CLEC20A: variants seen among roughly 807,000 people sequenced by gnomAD.
CLEC20A encodes the protein C-type lectin domain containing 20A, also known as putative C-type lectin domain family 20 member A.
At chr1:178,484,090 T>C (rs1469130961) in intron 5 of CLEC20A, 2 of 152,214 alleles carry the variant, frequency 1.3e-5, no homozygotes, top group African/African-American at 4.8e-5. Context: ...CGATCTGCTT[T>C]CAGTGGACAT....
upstream of CLEC20A, chr1:178,497,185 G>A (rs900726675): frequency 2.1e-5 from 8 of 388,100 alleles, no homozygotes; most frequent in East Asian, 3.7e-5. Context: ...AGAGATCCCT[G>A]TGTGGGGGTT....
In CLEC20A at chr1:178,482,410, G is replaced by A. The variant is rs1558027167; in HGVS notation, c.1037-13C>T. The A allele has an allele frequency of 7.5e-6, 3 of 398,466 alleles. No homozygotes were observed. The highest frequency in any genetic ancestry group is 1.3e-5 in the Non-Finnish European group (3 of 226,058). The allele number at this position is 398,466 out of a possible 1,614,324, so 24.7% of individuals were successfully genotyped here. A position where few individuals can be genotyped will look rare whatever the true frequency, so the allele number is the denominator to read the frequency against. ...CCAAAAGGGTGCCCTGAAAAAGAAA[G>A]TGCTACCTGTTCAGGGGGATATTAT... is the stretch of plus-strand genomic sequence containing the variant. On this transcript the variant is annotated splice_polypyrimidine_tract_variant and intron_variant, in intron 6 of 7. Coordinates refer to ENST00000623247, the Ensembl canonical transcript of CLEC20A.
intron 7 of CLEC20A, chr1:178,480,036 G>T (rs1648922974): frequency 6.7e-6 from 1 of 150,154 alleles, no homozygotes; most frequent in East Asian, 1.9e-4. Context: ...ACCTTGCCAG[G>T]GGATTCCGAA....
rs1283864572 is a variant in CLEC20A, at chr1:178,491,695, C to T, written c.463+806G>A. Among the ~76,000 whole-genome samples the T allele has an allele frequency of 4.6e-5, 7 of 152,322 alleles. No individual in the cohort carries two copies. The East Asian group carries it at 1.3e-3, about 29-fold the overall frequency. On this transcript the variant is annotated intron_variant, in intron 3 of 7. Coordinates refer to ENST00000623247, the Ensembl canonical transcript of CLEC20A. ...TCTGTACTCCATACCATGCAGAAAACCCACTCTACAGAGCAGATTGAGTGA... is the reference window on the plus strand; with the variant it reads ...TCTGTACTCCATACCATGCAGAAAATCCACTCTACAGAGCAGATTGAGTGA...
At chr1:178,482,267 G>A (rs902185939) in intron 7 of CLEC20A, 45 bp downstream of exon 7, 1 of 398,474 alleles carries the variant, frequency 2.5e-6, no homozygotes, top group Non-Finnish European at 4.4e-6. Context: ...GTCTTGCAAT[G>A]TCCAATCATC....
chr1:178,487,251 G>A (rs1649171547), intron 5 of CLEC20A, among the ~76,000 whole-genome samples: 2 of 152,214 alleles, frequency 1.3e-5, no homozygotes, highest in Admixed American at 6.5e-5. Context: ...GGTGGCCAGC[G>A]AGCCTGGGGC....
At chr1:178,485,625 C>T (rs1345479261) in intron 5 of CLEC20A, among the ~76,000 whole-genome samples, 1 of 152,236 alleles carries the variant, frequency 6.6e-6, no homozygotes, top group Non-Finnish European at 1.5e-5. Context: ...ACCGTCCTGA[C>T]TGTCTCCGTT....
intron 1 of CLEC20A, 167 bp downstream of exon 1, chr1:178,496,733 G>T: frequency 2.5e-6 from 1 of 397,670 alleles, no homozygotes; most frequent in Non-Finnish European, 4.4e-6. Flanking sequence ...TGAGGGCGAA[G>T]CTCCCTTCCC....
chr1:178,488,270 AGTTTGATGT>A (rs1335188815), intron 5 of CLEC20A, among the ~76,000 whole-genome samples: 2 of 152,152 alleles, frequency 1.3e-5, no homozygotes, highest in Non-Finnish European at 2.9e-5. Flanking sequence ...AGGAAAAGGG[AGTTTGATGT>A]GGCCCAGTCC....
At chr1:178,496,702 G>A (rs1006515124) in intron 1 of CLEC20A, 198 bp downstream of exon 1, 1 of 397,316 alleles carries the variant, frequency 2.5e-6, no homozygotes, top group East Asian at 3.6e-5. Context: ...CGCTGGCTGA[G>A]TACTGTCTGG....
intron 5 of CLEC20A, chr1:178,484,750 C>G (rs774598948): frequency 7.9e-5 from 12 of 152,196 alleles, no homozygotes; most frequent in Admixed American, 3.9e-4. Context: ...TTGTGTGATT[C>G]AGTGAACAAA....
chr1:178,490,397 G>A, exon 4 of CLEC20A: 1 of 398,682 alleles, frequency 2.5e-6, no homozygotes, highest in East Asian at 3.6e-5. Flanking sequence ...TCATCACTTG[G>A]TCAAATCGCA....
At chr1:178,490,213 G>A (rs1016732400) in exon 4 of CLEC20A, 11 of 398,744 alleles carry the variant, frequency 2.8e-5, no homozygotes, top group African/African-American at 2.3e-4. Flanking sequence ...CTGGCCCCCA[G>A]GTCACTGGAC....
chr1:178,492,685 T>C (rs1347922352), intron 2 of CLEC20A, 119 bp from the exon 3 acceptor site: 2 of 397,668 alleles, frequency 5.0e-6, no homozygotes, highest in East Asian at 7.1e-5. Flanking sequence ...TCCATCCCTT[T>C]CCACATCGAT....
upstream of CLEC20A, among the ~76,000 whole-genome samples, chr1:178,498,687 C>CAGA (rs1051342987): frequency 6.6e-6 from 1 of 152,168 alleles, no homozygotes; most frequent in African/African-American, 2.4e-5. Flanking sequence ...CTTGTGTTCT[C>CAGA]TCTCTCTCTA....
chr1:178,498,156 T>C (rs147246731), upstream of CLEC20A, among the ~76,000 whole-genome samples: 309 of 152,118 alleles, frequency 2.0e-3, 5 homozygotes, highest in Middle Eastern at 0.024. Context: ...GGTGAGACAG[T>C]ATTCAAGCTT....
At chr1:178,480,078 C>T (rs1648926028) in intron 7 of CLEC20A, 1 of 148,844 alleles carries the variant, frequency 6.7e-6, no homozygotes, top group Non-Finnish European at 1.5e-5. Flanking sequence ...TAGTCCAAAT[C>T]AAGCTGTGAG....
At chr1:178,499,531 T>TA (rs1265160586), upstream of CLEC20A, 2 of 152,160 alleles carry the variant, frequency 1.3e-5, no homozygotes, top group African/African-American at 4.8e-5. Context: ...GGCCTCAACA[T>TA]ACATCGTTCT....
At chr1:178,495,636 T>G (rs911501587) in intron 1 of CLEC20A, among the ~76,000 whole-genome samples, 8 of 149,856 alleles carry the variant, frequency 5.3e-5, no homozygotes, top group Non-Finnish European at 1.0e-4. Context: ...GCCAGCCACA[T>G]CACAAGGGCT....
Sources: gnomAD v4.1 joint callset for allele counts (sites outside exome capture counted in the v4.1 genomes callset) on GRCh38, gnomAD v4.1.1 for gene constraint, MANE v1.5 for transcripts, NCBI Gene and HGNC (gene_info 2026-07-23, HGNC 2026-07-21) for gene names.